The following SHTN1 variants were observed in gnomAD, a reference collection of about 807,000 sequenced individuals.
SHTN1 encodes the protein shootin 1, also known as shootin-1.
A neutral mutation model predicts 83.1 loss-of-function variants in SHTN1; 42 were observed. That is an observed-to-expected ratio of 0.51 (90% confidence interval 0.39 to 0.65). SHTN1 has a LOEUF of 0.65. Ranked by LOEUF, SHTN1 falls within the 30% of genes least tolerant of loss-of-function variation. The pLI is 0.00. For synonymous variants in SHTN1, 224 were observed against 247.7 expected, an observed-to-expected ratio of 0.90 and a Z score of 0.90; for missense variants, 622 against 737.8, an observed-to-expected ratio of 0.84 and a Z score of 1.82.
intron 3 of SHTN1, 158 bp from the exon 4 acceptor site, chr10:116,960,388 A>G: frequency 2.0e-6 from 1 of 499,514 alleles, no homozygotes; most frequent in South Asian, 3.9e-5. Flanking sequence ...GCCCTGATTA[A>G]ATCTGAGCTA....
rs773467883 is a variant in SHTN1 at position 116,954,086 on chromosome 10, G to A, written c.392C>T (p.Ala131Val). 8.7e-6 allele frequency: 14 copies of A among 1,613,130 alleles called. No individual in the cohort carries two copies. The highest frequency in any genetic ancestry group is 2.2e-5 in the East Asian group (1 of 44,838). The change falls in exon 5 of 17, where the codon GCC becomes GTC. Residue 131 changes from alanine (A) to valine (V), a missense_variant. Physicochemically the swap from Ala to Val is moderately conservative, Grantham distance 64. Coordinates refer to ENST00000355371, the MANE Select transcript of SHTN1 (RefSeq NM_001127211.3). Reference protein sequence around the residue: ...DEDSTTDTDGAAETCVSVQCQ... With the variant: ...DEDSTTDTDGVAETCVSVQCQ... ...CTGTACTGAGACACAAGTCTCGGCG[G>A]CACCGTCTGTGTCTGTAGTCGAATC...
chr10:116,974,406 T>A (rs1002563621), intron 2 of SHTN1, among the ~76,000 whole-genome samples: 15 of 152,176 alleles, frequency 9.9e-5, no homozygotes, highest in Admixed American at 2.6e-4. Context: ...TTGATTTTTT[T>A]AAAAAATAAA....
At chr10:117,017,727 C>T (rs1852201440) in intron 2 of SHTN1, among the ~76,000 whole-genome samples, 1 of 151,988 alleles carries the variant, frequency 6.6e-6, no homozygotes, top group Non-Finnish European at 1.5e-5. Context: ...TCACTTGCTT[C>T]CAAAAATAAG....
intron 15 of SHTN1, among the ~76,000 whole-genome samples, chr10:116,905,694 A>C (rs1847941212): frequency 6.6e-6 from 1 of 152,186 alleles, no homozygotes; most frequent in Non-Finnish European, 1.5e-5. Context: ...CCAGATTTAA[A>C]CTGTTACGAT....
chr10:117,006,763 G>C (rs1316534507), upstream of SHTN1, among the ~76,000 whole-genome samples: 1 of 151,980 alleles, frequency 6.6e-6, no homozygotes, highest in African/African-American at 2.4e-5. Flanking sequence ...GCACAGTGCT[G>C]CTCATTCCTC....
intron 1 of SHTN1, among the ~76,000 whole-genome samples, chr10:117,068,554 G>T (rs1159173549): frequency 2.0e-5 from 3 of 150,934 alleles, no homozygotes; most frequent in Non-Finnish European, 4.4e-5. Context: ...AGCTAAAAAA[G>T]AATGTGGAAC....
At chr10:117,073,000 G>A (rs1464271685) in intron 1 of SHTN1, among the ~76,000 whole-genome samples, 1 of 152,212 alleles carries the variant, frequency 6.6e-6, no homozygotes, top group East Asian at 1.9e-4. Flanking sequence ...TAAGGAAATA[G>A]ATAGCATAAA....
At chr10:117,074,234 C>T (rs566648431) in intron 1 of SHTN1, among the ~76,000 whole-genome samples, 82 of 152,228 alleles carry the variant, frequency 5.4e-4, no homozygotes, top group Non-Finnish European at 9.1e-4. Context: ...TTTGAGCTAA[C>T]GGTGTCATAA....
chr10:117,075,070 TA>T (rs879692051), intron 1 of SHTN1, among the ~76,000 whole-genome samples: 2 of 152,202 alleles, frequency 1.3e-5, no homozygotes, highest in Non-Finnish European at 2.9e-5. Flanking sequence ...TTACACATTA[TA>T]AATTATTAAA....
chr10:117,046,711 A>G (rs1242167436), intron 2 of SHTN1, among the ~76,000 whole-genome samples: 1 of 152,186 alleles, frequency 6.6e-6, no homozygotes, highest in East Asian at 1.9e-4. Flanking sequence ...TACACATGCT[A>G]CATCATCCAA....
chr10:116,970,761 T>C (rs946243604), intron 2 of SHTN1, among the ~76,000 whole-genome samples: 1 of 150,794 alleles, frequency 6.6e-6, no homozygotes, highest in Non-Finnish European at 1.5e-5. Context: ...GCAGAAGATA[T>C]ATCAGATATA....
upstream of SHTN1, among the ~76,000 whole-genome samples, chr10:117,006,191 G>A (rs1310602380): frequency 1.3e-5 from 2 of 151,784 alleles, no homozygotes; most frequent in African/African-American, 4.8e-5. Context: ...TTTAATAGAG[G>A]AAGATTAACA....
intron 1 of SHTN1, among the ~76,000 whole-genome samples, chr10:116,990,236 C>G (rs1159839958): frequency 6.6e-6 from 1 of 151,508 alleles, no homozygotes; most frequent in Non-Finnish European, 1.5e-5. Flanking sequence ...TCTTTAGCCA[C>G]CCAGAAAAGG....
chr10:117,006,699 G>C (rs1852019215), upstream of SHTN1, among the ~76,000 whole-genome samples: 24 of 151,910 alleles, frequency 1.6e-4, no homozygotes, highest in Admixed American at 1.6e-3. Flanking sequence ...TAGACTTATT[G>C]CACAGCTTGG....
intron 1 of SHTN1, among the ~76,000 whole-genome samples, chr10:116,998,953 C>T (rs1413278670): frequency 6.6e-6 from 1 of 152,138 alleles, no homozygotes; most frequent in Non-Finnish European, 1.5e-5. Context: ...TTAAGCTAAA[C>T]ATGAGTTCAC....
At chr10:116,973,413 G>A (rs934928183) in intron 2 of SHTN1, among the ~76,000 whole-genome samples, 2 of 152,078 alleles carry the variant, frequency 1.3e-5, no homozygotes, top group South Asian at 2.1e-4. Context: ...CTATACATAC[G>A]CAAGTACATT....
At chr10:116,927,682 C>T (rs1848795808) in intron 11 of SHTN1, 110 bp downstream of exon 11, 1 of 1,371,184 alleles carries the variant, frequency 7.3e-7, no homozygotes, top group Non-Finnish European at 9.6e-7. Context: ...GAAAAATTTC[C>T]AAGAGAAGCA....
intron 9 of SHTN1, among the ~76,000 whole-genome samples, chr10:116,935,190 T>G (rs944652136): frequency 8.5e-5 from 13 of 152,228 alleles, no homozygotes; most frequent in Admixed American, 6.5e-4. Context: ...GGCAAGAACT[T>G]CCAATACTGT....
intron 2 of SHTN1, among the ~76,000 whole-genome samples, chr10:117,013,353 T>C (rs1852135979): frequency 6.6e-6 from 1 of 152,104 alleles, no homozygotes; most frequent in Admixed American, 6.6e-5. Flanking sequence ...TTTGTATTTT[T>C]AGTAGAGACA....
Sources: allele counts gnomAD v4.1 joint callset (sites outside exome capture counted in the v4.1 genomes callset), GRCh38; gene constraint gnomAD v4.1.1; transcripts MANE v1.5; gene names NCBI Gene and HGNC (gene_info 2026-07-23, HGNC 2026-07-21).